The following REEP3 variants were observed in gnomAD, a reference collection of about 807,000 sequenced individuals.
The protein encoded by REEP3 is receptor expression-enhancing protein 3.
In REEP3, 20 loss-of-function variants were observed where a neutral mutation model predicts 41.3. That is an observed-to-expected ratio of 0.48 (90% CI 0.34 to 0.70). REEP3 has a LOEUF of 0.70. Ranked by LOEUF, REEP3 falls within the 30% of genes least tolerant of loss-of-function variation. REEP3 has a pLI of 0.01. For missense variants in REEP3, 271 were observed against 308.8 expected (o/e 0.88, Z 0.92); for synonymous variants, 104 against 101.8 (o/e 1.02, Z -0.13).
chr10:63,550,570 A>C (rs1179668275), intron 1 of REEP3, among the ~76,000 whole-genome samples: 1 of 152,180 alleles, frequency 6.6e-6, no homozygotes, highest in Non-Finnish European at 1.5e-5. Flanking sequence ...AAAAGCCCCA[A>C]GTACTAAAAA....
intron 5 of REEP3, among the ~76,000 whole-genome samples, chr10:63,604,173 T>G (rs1367857510): frequency 6.6e-6 from 1 of 152,222 alleles, no homozygotes. Flanking sequence ...AATCAGAACA[T>G]TTATTACACC....
chr10:63,594,794 A>G lies in REEP3; in HGVS notation c.122A>G (p.Tyr41Cys). The G allele has an allele frequency of 1.2e-6, 2 of 1,610,178 alleles. No homozygotes were observed. The highest frequency in any genetic ancestry group is 1.7e-6 in the Non-Finnish European group (2 of 1,176,476). ...NVKEYVRWMM[Y>C]WIVFALYTVI... ...TATTTCCAGGTTCGATGGATGATGTACTGGATTGTTTTTGCTCTCTATACT... is the reference window on the plus strand; with the variant it reads ...TATTTCCAGGTTCGATGGATGATGTGCTGGATTGTTTTTGCTCTCTATACT... The change falls in exon 3 of 8, where the codon TAC becomes TGC. Residue 41 changes from tyrosine to cysteine, a missense_variant. By Grantham distance (194) the Tyr-to-Cys change is radical. Transcript: ENST00000373758.
Position 63,521,558 on chromosome 10 carries a change from A to G in REEP3, c.13A>G (p.Met5Val). The stretch of plus-strand genomic sequence containing the variant: ...AGCCCCCGTGAAGATGGTGTCCTGG[A>G]TGATCTCCAGAGCCGTGGTGTAAGT... MVSW[M>V]ISRAVVLVFG... The change falls in exon 1 of 8, where the codon ATG (methionine) becomes GTG (valine). Residue 5 changes from methionine to valine, a missense_variant. By Grantham distance (21) the Met-to-Val change is conservative. Coordinates refer to ENST00000373758, the MANE Select transcript of REEP3 (RefSeq NM_001001330.3). 7.0e-7 allele frequency: 1 copy of G among 1,418,796 alleles called. No homozygotes were observed. Among genetic ancestry groups the G allele is most frequent in the Non-Finnish European group, 9.3e-7 (1 of 1,073,802 alleles). The allele number at this position is 1,418,796 out of a possible 1,614,324, so 87.9% of individuals were successfully genotyped here. A position where few individuals can be genotyped will look rare whatever the true frequency, so the allele number is the denominator to read the frequency against.
At chr10:63,566,470 A>G in intron 2 of REEP3, 60 bp downstream of exon 2, 1 of 947,956 alleles carries the variant, frequency 1.1e-6, no homozygotes. Flanking sequence ...ACACACTGAA[A>G]AACTGCTATT....
intron 1 of REEP3, among the ~76,000 whole-genome samples, chr10:63,546,345 T>TGCTA (rs1192629856): frequency 6.6e-6 from 1 of 152,202 alleles, no homozygotes; most frequent in Non-Finnish European, 1.5e-5. Flanking sequence ...AGTGGTCAGA[T>TGCTA]GCTAGATTCA....
chr10:63,532,982 T>C (rs1404066979), intron 1 of REEP3, among the ~76,000 whole-genome samples: 1 of 152,230 alleles, frequency 6.6e-6, no homozygotes, highest in Non-Finnish European at 1.5e-5. Context: ...GGACAGATTT[T>C]TCTGTTATTG....
At chr10:63,528,941 T>C (rs1955393020) in intron 1 of REEP3, among the ~76,000 whole-genome samples, 1 of 152,256 alleles carries the variant, frequency 6.6e-6, no homozygotes, top group Admixed American at 6.5e-5. Flanking sequence ...TAACCTATCA[T>C]CTGTCCTCTC....
At chr10:63,574,239 A>G (rs900256094) in intron 2 of REEP3, among the ~76,000 whole-genome samples, 2 of 152,218 alleles carry the variant, frequency 1.3e-5, no homozygotes, top group Non-Finnish European at 2.9e-5. Flanking sequence ...ACCCAATGCC[A>G]CTATACACTT....
chr10:63,564,664 T>C (rs1955780014), intron 1 of REEP3, among the ~76,000 whole-genome samples: 1 of 151,998 alleles, frequency 6.6e-6, no homozygotes, highest in Non-Finnish European at 1.5e-5. Context: ...TATAAGGTTA[T>C]TGTTTTTCTT....
intron 1 of REEP3, among the ~76,000 whole-genome samples, chr10:63,545,430 A>G (rs1339900812): frequency 1.3e-5 from 2 of 151,998 alleles, no homozygotes; most frequent in Non-Finnish European, 2.9e-5. Context: ...GCTGGAGTGC[A>G]GTGGTGCGGT....
chr10:63,598,520 C>T (rs1956139492), intron 4 of REEP3, among the ~76,000 whole-genome samples: 1 of 148,030 alleles, frequency 6.8e-6, no homozygotes, highest in Non-Finnish European at 1.5e-5. Context: ...CACGGTGGCT[C>T]ACGCCTGTAA....
In REEP3 at chr10:63,618,537, A is replaced by G. The variant is rs10465992; in HGVS notation, c.566-1118A>G. Among the ~76,000 whole-genome samples the G allele has an allele frequency of 4.5e-3, 681 of 152,168 alleles. 7 individuals are homozygous for G. Among genetic ancestry groups the G allele is most frequent in the African/African-American group, 0.016 (656 of 41,516 alleles). On this transcript the variant is annotated intron_variant, in intron 6 of 7. Transcript: ENST00000373758. ...GCTGGGATTACAGGCGTGAGCCACC[A>G]TGCCCGGCCTCTTCATGGGGATTTC...
At chr10:63,593,567 T>C (rs1260951363) in intron 2 of REEP3, among the ~76,000 whole-genome samples, 1 of 152,232 alleles carries the variant, frequency 6.6e-6, no homozygotes, top group African/African-American at 2.4e-5. Context: ...CGCCCCCTGG[T>C]TGGCATGGCA....
intron 1 of REEP3, among the ~76,000 whole-genome samples, chr10:63,549,084 G>A (rs1955604335): frequency 6.6e-6 from 1 of 152,072 alleles, no homozygotes; most frequent in Non-Finnish European, 1.5e-5. Context: ...TTCACCTAAG[G>A]ACATTTCCTG....
At chr10:63,571,612 C>CTGA (rs1208651368) in intron 2 of REEP3, among the ~76,000 whole-genome samples, 1 of 152,188 alleles carries the variant, frequency 6.6e-6, no homozygotes, top group Non-Finnish European at 1.5e-5. Context: ...TCAAGGTCAG[C>CTGA]TGATTAGCAA....
intron 1 of REEP3, among the ~76,000 whole-genome samples, chr10:63,522,995 T>G (rs1162484832): frequency 7.0e-6 from 1 of 142,460 alleles, no homozygotes; most frequent in African/African-American, 2.6e-5. Context: ...GAAAATCAAG[T>G]GCCCTATTAA....
chr10:63,597,920 A>AG (rs1198756227), intron 3 of REEP3, 104 bp from the exon 4 acceptor site: 16 of 1,049,428 alleles, frequency 1.5e-5, no homozygotes, highest in Non-Finnish European at 2.2e-5. Context: ...AAAAAAAAAA[A>AG]CAAAAAACAG....
chr10:63,598,818 G>T (rs1195660029), intron 4 of REEP3, among the ~76,000 whole-genome samples: 1 of 151,416 alleles, frequency 6.6e-6, no homozygotes, highest in African/African-American at 2.4e-5. Context: ...TGGGCTGGGT[G>T]CAGTGGCTCA....
rs1021439399 is a variant in REEP3 at position 63,625,018 on chromosome 10, G to A, written c.*4149G>A. ...ATTATGACACATAATGCGTGTTAAGGTCTTTCTAGATAGCATTTTAAATGG... is the reference window on the plus strand; with the variant it reads ...ATTATGACACATAATGCGTGTTAAGATCTTTCTAGATAGCATTTTAAATGG... On this transcript the variant is annotated 3_prime_UTR_variant, in exon 8 of 8. Coordinates refer to ENST00000373758, the MANE Select transcript of REEP3 (RefSeq NM_001001330.3). 9 of 151,994 alleles carry A rather than the reference G, an allele frequency of 5.9e-5. No homozygotes were observed. The highest frequency in any genetic ancestry group is 1.9e-4 in the African/African-American group (8 of 41,402). The allele number at this position is 151,994 out of a possible 1,614,324, so 9.4% of individuals were successfully genotyped here.
Sources: gnomAD v4.1 joint callset for allele counts (sites outside exome capture counted in the v4.1 genomes callset) on GRCh38, gnomAD v4.1.1 for gene constraint, MANE v1.5 for transcripts, NCBI Gene and HGNC (gene_info 2026-07-23, HGNC 2026-07-21) for gene names.